Variants in COL25A1 observed in about 807,000 individuals in gnomAD.
COL25A1 encodes collagen type XXV alpha 1 chain.
COL25A1 carries 103 observed loss-of-function variants against 128.4 expected under a neutral mutation model. The observed-to-expected ratio is 0.80, with a 90% CI of 0.68 to 0.94. The LOEUF (loss-of-function observed/expected upper bound fraction) is 0.94. Among genes scored for constraint, COL25A1 ranks in the 40% least tolerant of loss-of-function variants. The pLI is 0.00. For missense variants in COL25A1, 745 were observed against 840.0 expected, an observed-to-expected ratio of 0.89 and a Z score of 1.40; for synonymous variants, 279 against 277.2, an observed-to-expected ratio of 1.01 and a Z score of -0.06.
intron 20 of COL25A1, among the ~76,000 whole-genome samples, chr4:108,864,602 C>A (rs1737661721): frequency 6.6e-6 from 1 of 152,210 alleles, no homozygotes; most frequent in Admixed American, 6.5e-5. Context: ...GCTGCAGAAC[C>A]AAAATAGTTA....
At chr4:108,972,649 A>G (rs1411791974) in intron 8 of COL25A1, among the ~76,000 whole-genome samples, 1 of 152,188 alleles carries the variant, frequency 6.6e-6, no homozygotes, top group Non-Finnish European at 1.5e-5. Flanking sequence ...TTCAATACAA[A>G]GCAAAATACA....
chr4:109,294,101 T>A (rs2126287573), intron 3 of COL25A1, among the ~76,000 whole-genome samples: 1 of 152,198 alleles, frequency 6.6e-6, no homozygotes, highest in Non-Finnish European at 1.5e-5. Context: ...ATTCCTTGCT[T>A]CCTCCATGAA....
intron 3 of COL25A1, among the ~76,000 whole-genome samples, chr4:109,219,708 T>A (rs1735374336): frequency 6.6e-6 from 1 of 152,174 alleles, no homozygotes; most frequent in African/African-American, 2.4e-5. Context: ...TATGACTTTG[T>A]TGACTAATGC....
chr4:109,218,370 T>TTTTTTTTTTTTTG (rs1778192346), intron 3 of COL25A1, among the ~76,000 whole-genome samples: 3 of 140,620 alleles, frequency 2.1e-5, no homozygotes, highest in African/African-American at 7.9e-5. Context: ...TTTTTTTTTT[T>TTTTTTTTTTTTTG]TTTTTTTTTT....
chr4:109,291,546 G>C (rs950719951), intron 3 of COL25A1, among the ~76,000 whole-genome samples: 1 of 151,988 alleles, frequency 6.6e-6, no homozygotes, highest in Non-Finnish European at 1.5e-5. Flanking sequence ...ATTTAGGGGA[G>C]AGTTATTTTT....
chr4:109,293,591 T>C (rs1364215416), intron 3 of COL25A1, among the ~76,000 whole-genome samples: 18 of 152,034 alleles, frequency 1.2e-4, no homozygotes, highest in African/African-American at 4.8e-5. Flanking sequence ...AATAAAAACA[T>C]TGTGTACATA....
At chr4:109,004,178 T>C (rs987457576) in intron 6 of COL25A1, among the ~76,000 whole-genome samples, 1 of 152,234 alleles carries the variant, frequency 6.6e-6, no homozygotes, top group Non-Finnish European at 1.5e-5. Context: ...TCCTTTCTTA[T>C]TTAATTTCAT....
chr4:109,068,308 G>A (rs1411111414), intron 3 of COL25A1, among the ~76,000 whole-genome samples: 1 of 152,098 alleles, frequency 6.6e-6, no homozygotes, highest in East Asian at 1.9e-4. Context: ...CATGAGTAAT[G>A]AGTAAGCAGG....
intron 3 of COL25A1, among the ~76,000 whole-genome samples, chr4:109,124,260 C>T (rs1024467348): frequency 3.3e-5 from 5 of 151,976 alleles, no homozygotes; most frequent in African/African-American, 7.2e-5. Flanking sequence ...TATTTTTCAG[C>T]ATTTTATTCT....
intron 3 of COL25A1, among the ~76,000 whole-genome samples, chr4:109,082,512 A>AT (rs1269598618): frequency 1.3e-5 from 2 of 152,092 alleles, no homozygotes; most frequent in African/African-American, 4.8e-5. Flanking sequence ...GTAGTATTTC[A>AT]TTGGGGTTTT....
intron 3 of COL25A1, among the ~76,000 whole-genome samples, chr4:109,127,478 CTT>C (rs2126063259): frequency 6.6e-6 from 1 of 152,194 alleles, no homozygotes; most frequent in South Asian, 2.1e-4. Flanking sequence ...AGACAAGTTA[CTT>C]TCTTTTATTT....
At chr4:108,976,440 T>C (rs567701343) in intron 6 of COL25A1, among the ~76,000 whole-genome samples, 7 of 152,232 alleles carry the variant, frequency 4.6e-5, no homozygotes, top group Non-Finnish European at 4.4e-5. Flanking sequence ...TGGGCAGCTG[T>C]CTATTCCTGG....
intron 3 of COL25A1, among the ~76,000 whole-genome samples, chr4:109,190,441 A>C (rs1222538177): frequency 6.6e-6 from 1 of 152,158 alleles, no homozygotes; most frequent in Non-Finnish European, 1.5e-5. Context: ...GGTGAAAGGG[A>C]GGAAAGACAA....
At chr4:108,868,706 A>AGGAAGGAG (rs1738268009) in intron 20 of COL25A1, among the ~76,000 whole-genome samples, 1 of 147,792 alleles carries the variant, frequency 6.8e-6, no homozygotes, top group Non-Finnish European at 1.5e-5. Context: ...GAAGGAAGAA[A>AGGAAGGAG]GGAAGGAGGG....
Position 109,301,976 on chromosome 4 carries a change from G to A in COL25A1, c.44C>T (p.Pro15Leu). ...GGCAGGGGTCGGGTCCTCGGATCTG[G>A]GCTCCCGGCCCCCTCCTTTCCCTGC... ...KHAGKGGGRE[P>L]RSEDPTPAEQ... is the part of the protein sequence containing the mutation. Residue 15 changes from proline (P) to leucine (L), a missense_variant, in exon 2 of 38, where the codon CCC (proline) becomes CTC (leucine). Transcript: ENST00000399132. The A allele has an allele frequency of 6.2e-7, 1 of 1,608,372 alleles. No homozygotes were observed. Among genetic ancestry groups the A allele is most frequent in the Non-Finnish European group, 8.5e-7 (1 of 1,177,696 alleles).
At chr4:108,817,667 A>T (rs1356057198) in intron 36 of COL25A1, among the ~76,000 whole-genome samples, 1 of 152,174 alleles carries the variant, frequency 6.6e-6, no homozygotes. Context: ...AAGTATAGAA[A>T]ATGTTATGCC....
At position 109,302,240 on chromosome 4, in the gene COL25A1, G is replaced by A; in HGVS notation, c.-128C>T. Reference sequence around the variant, plus strand: ...CTTTCTTCTCTCCTCCCAGCTGGAAGTGAAAAGCACCCTCCGTCCGGGGAC... The same window carrying A: ...CTTTCTTCTCTCCTCCCAGCTGGAAATGAAAAGCACCCTCCGTCCGGGGAC... On this transcript the variant is annotated 5_prime_UTR_variant, in exon 1 of 38. Transcript: ENST00000399132. 1.8e-6 allele frequency: 1 copy of A among 571,326 alleles called. No individual in the cohort carries two copies. The highest frequency in any genetic ancestry group is 3.1e-5 in the South Asian group (1 of 31,858). The allele number at this position is 571,326 out of a possible 1,614,324, so 35.4% of individuals were successfully genotyped here. A position where few individuals can be genotyped will look rare whatever the true frequency, so the allele number is the denominator to read the frequency against.
chr4:109,222,751 G>A (rs949945663), intron 3 of COL25A1, among the ~76,000 whole-genome samples: 3 of 152,090 alleles, frequency 2.0e-5, no homozygotes, highest in Admixed American at 6.6e-5. Context: ...TCCATTTTGG[G>A]CTCAAGATTA....
chr4:108,862,692 C>T (rs768837173), intron 21 of COL25A1, 147 bp from the exon 22 acceptor site: 13 of 669,382 alleles, frequency 1.9e-5, no homozygotes, highest in Non-Finnish European at 3.2e-5. Flanking sequence ...TACAGAATGT[C>T]GGTTATTATA....
Sources: gnomAD v4.1 joint callset for allele counts (sites outside exome capture counted in the v4.1 genomes callset) on GRCh38, gnomAD v4.1.1 for gene constraint, MANE v1.5 for transcripts, NCBI Gene and HGNC (gene_info 2026-07-23, HGNC 2026-07-21) for gene names.